The following GALNT17 variants were observed in gnomAD, a reference collection of about 807,000 sequenced individuals.
The protein encoded by GALNT17 is UDP-GalNAc:polypeptide N-acetylgalactosaminyltransferase-like 3.
In GALNT17, 29 loss-of-function variants were observed where a neutral mutation model predicts 63.7. The ratio of observed to expected loss-of-function variants is 0.46; its 90% CI spans 0.34 to 0.62. The LOEUF (loss-of-function observed/expected upper bound fraction) is 0.62, where lower values mean the gene tolerates loss of function less well. Among genes scored for constraint, GALNT17 ranks in the 20% least tolerant of loss-of-function variants. GALNT17 has a pLI of 0.01. For missense variants in GALNT17, 603 were observed against 799.6 expected, an observed-to-expected ratio of 0.75 and a Z score of 2.97; for synonymous variants, 305 against 318.3, an observed-to-expected ratio of 0.96 and a Z score of 0.45.
At chr7:71,339,169 CTTA>C (rs1791964456) in intron 2 of GALNT17, among the ~76,000 whole-genome samples, 1 of 152,160 alleles carries the variant, frequency 6.6e-6, no homozygotes, top group Non-Finnish European at 1.5e-5. Context: ...TTATTGAGCA[CTTA>C]TTATGAGCCA....
At chr7:71,485,208 C>T (rs1190663161) in intron 5 of GALNT17, among the ~76,000 whole-genome samples, 1 of 151,814 alleles carries the variant, frequency 6.6e-6, no homozygotes, top group Non-Finnish European at 1.5e-5. Context: ...TGGGCTCAAG[C>T]GATCCTCCTG....
At position 71,641,114 on chromosome 7, in the gene GALNT17, A is replaced by T. The variant is rs572444921; in HGVS notation, c.1081-24297A>T. On this transcript the variant is annotated intron_variant, in intron 6 of 10. Transcript: ENST00000333538. ...AAGCAGCCCAGACCAGAGGTCTGTC[A>T]TTGGGAACCTGTGGCTTAGGTTATC... 2.8e-4 allele frequency among the ~76,000 whole-genome samples: 42 copies of T among 152,312 alleles called. No individual in the cohort carries two copies. In the South Asian group the frequency reaches 8.5e-3, roughly 31 times the overall value.
chr7:71,347,329 G>A (rs1169730642), intron 2 of GALNT17, among the ~76,000 whole-genome samples: 2 of 152,128 alleles, frequency 1.3e-5, no homozygotes, highest in African/African-American at 4.8e-5. Context: ...ACCTGTCTGT[G>A]CCTCAGTTTC....
chr7:71,319,498 TCTC>T (rs1455973988), intron 1 of GALNT17, among the ~76,000 whole-genome samples: 11 of 152,262 alleles, frequency 7.2e-5, no homozygotes, highest in African/African-American at 2.2e-4. Flanking sequence ...GCCCAGGTCT[TCTC>T]CTCAAGGAAC....
intron 5 of GALNT17, among the ~76,000 whole-genome samples, chr7:71,558,254 C>T (rs528748685): frequency 2.4e-4 from 36 of 151,918 alleles, no homozygotes; most frequent in South Asian, 6.2e-4. Context: ...AAACAAAGTG[C>T]AAAACCTGAT....
chr7:71,385,795 G>A (rs527464209), intron 2 of GALNT17, among the ~76,000 whole-genome samples: 62 of 152,298 alleles, frequency 4.1e-4, no homozygotes, highest in Admixed American at 7.2e-4. Flanking sequence ...GGCTGGGTGC[G>A]GTGGCTCATG....
At chr7:71,685,016 T>C (rs775675973) in intron 9 of GALNT17, among the ~76,000 whole-genome samples, 3 of 152,054 alleles carry the variant, frequency 2.0e-5, no homozygotes, top group Non-Finnish European at 4.4e-5. Flanking sequence ...GAGATTCAGA[T>C]AGGGCAATGC....
At position 71,624,432 on chromosome 7, in the gene GALNT17, T is replaced by G. The variant is rs149437070; in HGVS notation, c.1081-40979T>G. 5.6e-3 allele frequency among the ~76,000 whole-genome samples: 855 copies of G among 152,280 alleles called. 5 individuals carry two copies. The highest frequency in any genetic ancestry group is 0.02 in the African/African-American group (828 of 41,568). ...GTTCTAGGTATAATTAAGGGCTGTT[T>G]TACCTTTCTGTTAGGGCCCAAGGGA... is the stretch of plus-strand genomic sequence containing the variant. On this transcript the variant is annotated intron_variant, in intron 6 of 10. Transcript: ENST00000333538.
intron 2 of GALNT17, among the ~76,000 whole-genome samples, chr7:71,349,040 C>G (rs1792144162): frequency 6.6e-6 from 1 of 152,226 alleles, no homozygotes; most frequent in Admixed American, 6.5e-5. Flanking sequence ...CCGATTCGTT[C>G]AGTGGACAGA....
chr7:71,280,911 T>A (rs1359142971), intron 1 of GALNT17, among the ~76,000 whole-genome samples: 5 of 151,890 alleles, frequency 3.3e-5, no homozygotes, highest in African/African-American at 7.3e-5. Context: ...TCCCCATGGG[T>A]TGGGGTTCAC....
chr7:71,544,474 A>C (rs1290008958), intron 5 of GALNT17, among the ~76,000 whole-genome samples: 1 of 152,034 alleles, frequency 6.6e-6, no homozygotes, highest in African/African-American at 2.4e-5. Flanking sequence ...CTAAAGGATA[A>C]AGTCTGCAAT....
intron 5 of GALNT17, among the ~76,000 whole-genome samples, chr7:71,493,769 C>T (rs149870492): frequency 6.6e-6 from 1 of 152,276 alleles, no homozygotes; most frequent in Non-Finnish European, 1.5e-5. Context: ...TCTGTCCCCT[C>T]CACTTCTCCA....
intron 1 of GALNT17, among the ~76,000 whole-genome samples, chr7:71,241,577 T>G (rs1452410760): frequency 1.3e-5 from 2 of 152,178 alleles, no homozygotes; most frequent in Non-Finnish European, 2.9e-5. Context: ...CCTCTTAGTC[T>G]GTTTGTGTTG....
At chr7:71,252,845 GA>G (rs1001710667) in intron 1 of GALNT17, among the ~76,000 whole-genome samples, 5 of 152,166 alleles carry the variant, frequency 3.3e-5, no homozygotes, top group African/African-American at 1.2e-4. Context: ...TATTCATGAG[GA>G]AATTCTTTGT....
intron 5 of GALNT17, among the ~76,000 whole-genome samples, chr7:71,447,496 A>C (rs913334235): frequency 6.6e-6 from 1 of 152,182 alleles, no homozygotes; most frequent in African/African-American, 2.4e-5. Context: ...CAAATAATCT[A>C]AAATCAAAAA....
chr7:71,706,832 T>C (rs948448696), intron 9 of GALNT17, among the ~76,000 whole-genome samples: 1 of 152,188 alleles, frequency 6.6e-6, no homozygotes, highest in Non-Finnish European at 1.5e-5. Flanking sequence ...GAATCTTATC[T>C]GCCAGAAAAG....
chr7:71,599,893 G>A (rs74969665), intron 6 of GALNT17, among the ~76,000 whole-genome samples: 6,060 of 151,826 alleles, frequency 0.04, 411 homozygotes, highest in African/African-American at 0.14. Context: ...GGGGTAGAGG[G>A]TATCCTGTGT....
chr7:71,672,614 C>T (rs1369325950), intron 8 of GALNT17, among the ~76,000 whole-genome samples: 1 of 152,176 alleles, frequency 6.6e-6, no homozygotes, highest in Non-Finnish European at 1.5e-5. Flanking sequence ...TGCAGAGGCA[C>T]AATCTTGGCT....
chr7:71,311,705 T>C (rs774357417), intron 1 of GALNT17, among the ~76,000 whole-genome samples: 1 of 152,158 alleles, frequency 6.6e-6, no homozygotes, highest in Admixed American at 6.5e-5. Context: ...ATTCTTGAGA[T>C]AGGCTGAAGA....
Sources: allele counts gnomAD v4.1 joint callset (sites outside exome capture counted in the v4.1 genomes callset), GRCh38; gene constraint gnomAD v4.1.1; transcripts MANE v1.5; gene names NCBI Gene and HGNC (gene_info 2026-07-23, HGNC 2026-07-21).